TMPO: variants seen among roughly 807,000 people sequenced by gnomAD.
TMPO encodes the protein LEM domain containing 4.
TMPO carries 22 observed loss-of-function variants against 45.4 expected under a neutral mutation model. The ratio of observed to expected loss-of-function variants is 0.48; its 90% CI spans 0.35 to 0.69. TMPO has a LOEUF of 0.69. TMPO is among the 30% of genes least tolerant of loss of function. The pLI is 0.01. For missense variants in TMPO, 512 were observed against 548.8 expected, an observed-to-expected ratio of 0.93 and a Z score of 0.67; for synonymous variants, 241 against 204.1, an observed-to-expected ratio of 1.18 and a Z score of -1.54.
chr12:98,538,325 G>C (rs1877696940), intron 4 of TMPO, among the ~76,000 whole-genome samples: 1 of 152,030 alleles, frequency 6.6e-6, no homozygotes, highest in African/African-American at 2.4e-5. Context: ...TTGTCTAGTT[G>C]GTTATCTTTT....
chr12:98,546,570 A>ATGTTTT lies in TMPO; in HGVS notation c.1079+123_1079+124insTGTTTT, dbSNP rs1592957785. 6.3e-5 allele frequency: 49 copies of ATGTTTT among 776,358 alleles called. No individual in the cohort carries two copies. In the East Asian group the frequency reaches 1.2e-3, roughly 19 times the overall value. The allele number at this position is 776,358 out of a possible 1,614,324, so 48.1% of individuals were successfully genotyped here. A position where few individuals can be genotyped will look rare whatever the true frequency, so the allele number is the denominator to read the frequency against. On this transcript the variant is annotated intron_variant, in intron 8 of 8. Transcript: ENST00000556029. ...AAGCTGTTTTTTTGGAGCCAGGTACAATGGTACATGCCTGTAGTCCCAGCT... is the reference window on the plus strand; with the variant it reads ...AAGCTGTTTTTTTGGAGCCAGGTACATGTTTTATGGTACATGCCTGTAGTCCCAGCT...
intron 8 of TMPO, among the ~76,000 whole-genome samples, chr12:98,546,984 C>G (rs1592958141): frequency 6.6e-6 from 1 of 151,978 alleles, no homozygotes; most frequent in African/African-American, 2.4e-5. Flanking sequence ...CTCTTTACTC[C>G]TAAACATGAG....
At chr12:98,522,199 T>C (rs1876425259) in intron 1 of TMPO, among the ~76,000 whole-genome samples, 1 of 152,182 alleles carries the variant, frequency 6.6e-6, no homozygotes, top group Non-Finnish European at 1.5e-5. Flanking sequence ...AAAATTTTTA[T>C]AGAGATAGTC....
intron 1 of TMPO, among the ~76,000 whole-genome samples, chr12:98,520,629 CCT>C (rs1491463792): frequency 6.8e-6 from 1 of 147,190 alleles, no homozygotes; most frequent in Non-Finnish European, 1.5e-5. Flanking sequence ...TTTCTTTTTT[CCT>C]TTTTTTTTTT....
At chr12:98,538,660 C>T (rs999944232) in intron 4 of TMPO, among the ~76,000 whole-genome samples, 1 of 151,856 alleles carries the variant, frequency 6.6e-6, no homozygotes, top group Non-Finnish European at 1.5e-5. Context: ...GCCTGTTTGT[C>T]GTTTTAAAAT....
chr12:98,527,707 G>T (rs1306140923), intron 1 of TMPO, 179 bp from the exon 2 acceptor site: 4 of 645,456 alleles, frequency 6.2e-6, no homozygotes, highest in Non-Finnish European at 1.1e-5. Context: ...TATGATTACA[G>T]TTCAACTTAG....
intron 4 of TMPO, among the ~76,000 whole-genome samples, chr12:98,538,556 T>C (rs1877712950): frequency 6.6e-6 from 1 of 152,122 alleles, no homozygotes; most frequent in Non-Finnish European, 1.5e-5. Flanking sequence ...TTTCACCGTG[T>C]TGGCCAGGCT....
At chr12:98,533,803 C>T in intron 3 of TMPO, 1 of 1,614,222 alleles carries the variant, frequency 6.2e-7, no homozygotes, top group South Asian at 1.1e-5. Context: ...GCTGCCTTCA[C>T]TGGCATGCAA....
intron 3 of TMPO, among the ~76,000 whole-genome samples, chr12:98,536,796 A>G (rs555889514): frequency 1.9e-4 from 29 of 152,370 alleles, no homozygotes; most frequent in South Asian, 1.2e-3. Flanking sequence ...TGACAAGTGT[A>G]TAAGTATTGG....
At chr12:98,539,202 AAAAT>A (rs71436918) in intron 4 of TMPO, among the ~76,000 whole-genome samples, 7 of 151,332 alleles carry the variant, frequency 4.6e-5, no homozygotes, top group African/African-American at 9.7e-5. Context: ...CTCTGTCTCA[AAAAT>A]AAATAAATAA....
chr12:98,516,277 C>T (rs1875807061), intron 1 of TMPO, 131 bp downstream of exon 1: 1 of 1,247,972 alleles, frequency 8.0e-7, no homozygotes, highest in South Asian at 3.5e-5. Flanking sequence ...CCTGCGCCCC[C>T]TCGCGTCGCC....
In TMPO at chr12:98,515,813, C is replaced by T. The variant is rs1314318018; in HGVS notation, c.-55C>T. 2.0e-5 allele frequency: 31 copies of T among 1,571,888 alleles called. No individual in the cohort carries two copies. In the East Asian group the frequency reaches 6.0e-4, roughly 30 times the overall value. ...GGTCCCCGGCCAGGAGCAAGCGCGC[C>T]GGCGTGAGCGGCGGCGGCAAAGGCT... On this transcript the variant is annotated 5_prime_UTR_variant, in exon 1 of 9. Coordinates refer to ENST00000556029, the MANE Select transcript of TMPO (RefSeq NM_001032283.3).
At chr12:98,528,518 C>A (rs1876952358) in intron 2 of TMPO, among the ~76,000 whole-genome samples, 2 of 152,044 alleles carry the variant, frequency 1.3e-5, no homozygotes, top group Non-Finnish European at 2.9e-5. Flanking sequence ...ACCTTGTGAT[C>A]CGCCTGCCTC....
At chr12:98,539,786 T>A (rs1422725137) in intron 4 of TMPO, among the ~76,000 whole-genome samples, 1 of 152,234 alleles carries the variant, frequency 6.6e-6, no homozygotes, top group Admixed American at 6.5e-5. Context: ...AAATTGCTTT[T>A]GATTTTTTTT....
chr12:98,532,944 C>A lies in TMPO; in HGVS notation c.565+1106C>A, dbSNP rs757659026. On this transcript the variant is annotated intron_variant, in intron 3 of 8. Coordinates refer to ENST00000556029, the MANE Select transcript of TMPO (RefSeq NM_001032283.3). The stretch of plus-strand genomic sequence containing the variant: ...GTATTTCTTTTCCTGAAATCTCCAC[C>A]CGTCCTCCTTTGGGCAGTACCGAAC... The A allele has an allele frequency of 1.3e-5, 21 of 1,614,024 alleles. No individual in the cohort carries two copies. In the Middle Eastern group the frequency reaches 8.2e-4, roughly 63 times the overall value.
At chr12:98,530,558 T>C (rs1236138960) in intron 2 of TMPO, among the ~76,000 whole-genome samples, 2 of 152,228 alleles carry the variant, frequency 1.3e-5, no homozygotes, top group African/African-American at 2.4e-5. Context: ...AAATCTATTT[T>C]GGTTTTAAAC....
chr12:98,517,953 A>T (rs911844405), intron 1 of TMPO, among the ~76,000 whole-genome samples: 5 of 152,222 alleles, frequency 3.3e-5, no homozygotes, highest in Non-Finnish European at 1.5e-5. Flanking sequence ...ACCTGAGGTC[A>T]GGAGTTCTAG....
In TMPO at chr12:98,547,937, T is replaced by C; in HGVS notation, c.*79T>C. 9 of 1,475,054 alleles carry C rather than the reference T, an allele frequency of 6.1e-6. No individual in the cohort carries two copies. The highest frequency in any genetic ancestry group is 8.4e-6 in the Non-Finnish European group (9 of 1,071,572). 91.4% of individuals were successfully genotyped at this position (1,475,054 alleles called of 1,614,324 possible). A position where few individuals can be genotyped will look rare whatever the true frequency, so the allele number is the denominator to read the frequency against. ...AAAACATTTGTGTACACTTGTTGAC[T>C]CCAAGAACTAAAAATAATGTGATTT... On this transcript the variant is annotated 3_prime_UTR_variant, in exon 9 of 9. Transcript: ENST00000556029.
chr12:98,538,903 G>A (rs1877732760), intron 4 of TMPO, among the ~76,000 whole-genome samples: 1 of 151,946 alleles, frequency 6.6e-6, no homozygotes, highest in South Asian at 2.1e-4. Flanking sequence ...GGAGCATGCT[G>A]AAGAATAAGG....
Sources: gnomAD v4.1 joint callset for allele counts (sites outside exome capture counted in the v4.1 genomes callset) on GRCh38, gnomAD v4.1.1 for gene constraint, MANE v1.5 for transcripts, NCBI Gene and HGNC (gene_info 2026-07-23, HGNC 2026-07-21) for gene names.